Variants in SLCO1A2 observed in about 807,000 individuals in gnomAD.
The protein encoded by SLCO1A2 is solute carrier organic anion transporter family member 1A2.
Under a neutral mutation model 69.0 loss-of-function variants are expected in SLCO1A2, and 67 were observed. The observed-to-expected ratio is 0.97, with a 90% CI of 0.80 to 1.19. The LOEUF is 1.19. SLCO1A2 is among the 50% of genes most tolerant of loss of function. The pLI is 0.00. For synonymous variants in SLCO1A2, 260 were observed against 265.9 expected, an observed-to-expected ratio of 0.98 and a Z score of 0.22; for missense variants, 787 against 793.7, an observed-to-expected ratio of 0.99 and a Z score of 0.10.
At chr12:21,370,523 C>T (rs1939706821) in intron 2 of SLCO1A2, among the ~76,000 whole-genome samples, 1 of 137,272 alleles carries the variant, frequency 7.3e-6, no homozygotes. Flanking sequence ...TGTTCCCCTT[C>T]CTGTGTCCAT....
chr12:21,387,916 A>G (rs1206949028), intron 1 of SLCO1A2, among the ~76,000 whole-genome samples: 1 of 152,230 alleles, frequency 6.6e-6, no homozygotes, highest in African/African-American at 2.4e-5. Context: ...GCCCAAGGCC[A>G]TGGAAGCCCA....
chr12:21,388,670 T>G (rs1941008325), intron 1 of SLCO1A2, among the ~76,000 whole-genome samples: 1 of 152,142 alleles, frequency 6.6e-6, no homozygotes, highest in African/African-American at 2.4e-5. Context: ...AATACAACAC[T>G]AATTTTTAAC....
chr12:21,310,006 C>T (rs927580611), intron 4 of SLCO1A2, among the ~76,000 whole-genome samples: 1 of 152,014 alleles, frequency 6.6e-6, no homozygotes, highest in Admixed American at 6.6e-5. Context: ...GAAAGCTAAC[C>T]ATATGATATA....
chr12:21,314,925 G>A (rs1000402078), intron 3 of SLCO1A2, among the ~76,000 whole-genome samples: 3 of 152,140 alleles, frequency 2.0e-5, no homozygotes, highest in Non-Finnish European at 4.4e-5. Context: ...ATTTACAGAG[G>A]GGAGAAGAAG....
At chr12:21,334,013 C>A (rs1952767580) in intron 2 of SLCO1A2, among the ~76,000 whole-genome samples, 1 of 151,880 alleles carries the variant, frequency 6.6e-6, no homozygotes, top group South Asian at 2.1e-4. Flanking sequence ...ATGTCCAGAT[C>A]CCTTGGTTTA....
At chr12:21,389,376 C>T (rs983411274) in intron 1 of SLCO1A2, among the ~76,000 whole-genome samples, 1 of 152,010 alleles carries the variant, frequency 6.6e-6, no homozygotes, top group Non-Finnish European at 1.5e-5. Context: ...GAAATACCCA[C>T]AAATATGGTC....
chr12:21,313,616 GCAGGAGAATCACTTGACC>G (rs1190932632), intron 4 of SLCO1A2, among the ~76,000 whole-genome samples: 1 of 152,184 alleles, frequency 6.6e-6, no homozygotes, highest in Non-Finnish European at 1.5e-5. Context: ...GGAGGCTGAG[GCAGGAGAATCACTTGACC>G]CAGGAGGCAG....
At chr12:21,365,402 G>T (rs1361204031) in intron 2 of SLCO1A2, among the ~76,000 whole-genome samples, 1 of 152,022 alleles carries the variant, frequency 6.6e-6, no homozygotes, top group African/African-American at 2.4e-5. Flanking sequence ...CAGTTCAAGT[G>T]GGATTAAAGA....
At chr12:21,347,564 G>A (rs781445529) in intron 2 of SLCO1A2, among the ~76,000 whole-genome samples, 6 of 152,012 alleles carry the variant, frequency 3.9e-5, no homozygotes, top group Non-Finnish European at 8.8e-5. Flanking sequence ...AGAATTTCTT[G>A]AACCCAGGAG....
At chr12:21,308,277 G>A (rs1949673745) in intron 4 of SLCO1A2, among the ~76,000 whole-genome samples, 1 of 152,022 alleles carries the variant, frequency 6.6e-6, no homozygotes, top group Non-Finnish European at 1.5e-5. Flanking sequence ...AAAAAATAGG[G>A]AATTTTACAA....
chr12:21,315,837 T>C (rs931003682), intron 3 of SLCO1A2, among the ~76,000 whole-genome samples: 3 of 152,208 alleles, frequency 2.0e-5, no homozygotes, highest in African/African-American at 7.2e-5. Context: ...AAGGAAGAAC[T>C]TTCCTTCTTC....
At chr12:21,359,834 T>C (rs976317906) in intron 2 of SLCO1A2, among the ~76,000 whole-genome samples, 2 of 152,144 alleles carry the variant, frequency 1.3e-5, no homozygotes, top group East Asian at 1.9e-4. Flanking sequence ...ACACAAAGAC[T>C]TGTACATGAA....
At chr12:21,284,460 T>C (rs1210757605) in intron 12 of SLCO1A2, among the ~76,000 whole-genome samples, 2 of 151,850 alleles carry the variant, frequency 1.3e-5, no homozygotes, top group African/African-American at 4.8e-5. Flanking sequence ...GACAGAAAGT[T>C]AACAAGGATA....
intron 8 of SLCO1A2, among the ~76,000 whole-genome samples, chr12:21,299,774 A>ATGTGTGTG (rs1948336486): frequency 8.7e-6 from 1 of 114,820 alleles, no homozygotes; most frequent in African/African-American, 4.1e-5. Context: ...ACGTGTGTAT[A>ATGTGTGTG]TATATATATA....
upstream of SLCO1A2, among the ~76,000 whole-genome samples, chr12:21,396,556 A>C (rs1367469727): frequency 4.0e-5 from 6 of 151,412 alleles, no homozygotes; most frequent in African/African-American, 1.2e-4. Flanking sequence ...GAGCAACTCC[A>C]AGACACATAA....
At position 21,330,898 on chromosome 12, in the gene SLCO1A2, G is replaced by A. The variant is rs546529156; in HGVS notation, c.60+3690C>T. Among the ~76,000 whole-genome samples the A allele has an allele frequency of 1.2e-4, 18 of 152,178 alleles. No individual in the cohort carries two copies. In the East Asian group the frequency reaches 3.1e-3, roughly 26 times the overall value. ...TACACAGACCATTTACAACATGCTT[G>A]GACTTTCTGGTTTGACATAAATATT... On this transcript the variant is annotated intron_variant, in intron 2 of 14. Transcript: ENST00000683939.
Position 21,413,237 on chromosome 12 carries a change from C to CTTTTTTTTTTTTTT in SLCO1A2, c.-312+4631_-312+4644dup, listed in dbSNP as rs3983534. ...ACTTTCTTCTTTTCTTTTTCTTTTT[C>CTTTTTTTTTTTTTT]TTTTTTTTTTTTTTTTTTTGAGAAG... On this transcript the variant is annotated intron_variant, in intron 1 of 4. Coordinates refer to the SLCO1A2 transcript ENST00000413682. Among the ~76,000 whole-genome samples the CTTTTTTTTTTTTTT allele has an allele frequency of 1.3e-3, 134 of 99,424 alleles. 5 individuals carry two copies. Among genetic ancestry groups the CTTTTTTTTTTTTTT allele is most frequent in the African/African-American group, 4.7e-3 (117 of 25,030 alleles). 65.2% of individuals were successfully genotyped at this position (99,424 alleles called of 152,430 possible). A position where few individuals can be genotyped will look rare whatever the true frequency, so the allele number is the denominator to read the frequency against.
At chr12:21,353,806 G>A (rs1938151399) in intron 2 of SLCO1A2, among the ~76,000 whole-genome samples, 2 of 152,096 alleles carry the variant, frequency 1.3e-5, no homozygotes, top group African/African-American at 4.8e-5. Flanking sequence ...ATTCTCAAGT[G>A]GTCATTCACA....
intron 2 of SLCO1A2, among the ~76,000 whole-genome samples, chr12:21,353,997 A>G (rs912278587): frequency 2.4e-4 from 36 of 152,228 alleles, no homozygotes; most frequent in Non-Finnish European, 4.4e-4. Context: ...CATGAATTTG[A>G]AAAAGTTACT....
Sources: allele counts gnomAD v4.1 joint callset (sites outside exome capture counted in the v4.1 genomes callset), GRCh38; gene constraint gnomAD v4.1.1; transcripts MANE v1.5; gene names NCBI Gene and HGNC (gene_info 2026-07-23, HGNC 2026-07-21).